CDH12: variants seen among roughly 807,000 people sequenced by gnomAD.
The protein encoded by CDH12 is cadherin-12.
CDH12 carries 41 observed loss-of-function variants against 74.1 expected under a neutral mutation model. The observed-to-expected ratio is 0.55, with a 90% confidence interval of 0.43 to 0.72. The LOEUF is 0.72. CDH12 is among the 30% of genes least tolerant of loss of function. CDH12 has a pLI of 0.00. For synonymous variants in CDH12, 399 were observed against 355.0 expected, an observed-to-expected ratio of 1.12 and a Z score of -1.39; for missense variants, 945 against 977.2, an observed-to-expected ratio of 0.97 and a Z score of 0.44.
intron 5 of CDH12, among the ~76,000 whole-genome samples, chr5:22,041,457 T>C (rs762225270): frequency 2.6e-5 from 4 of 152,096 alleles, no homozygotes; most frequent in South Asian, 2.1e-4. Context: ...TATGTACATA[T>C]AGGCAGAAAG....
At chr5:22,349,451 C>T (rs954913606) in intron 3 of CDH12, among the ~76,000 whole-genome samples, 4 of 152,150 alleles carry the variant, frequency 2.6e-5, no homozygotes, top group African/African-American at 9.7e-5. Context: ...GTTTACAGCA[C>T]TCATTCCTTT....
At chr5:22,133,224 C>A (rs1445130768) in intron 4 of CDH12, among the ~76,000 whole-genome samples, 1 of 152,006 alleles carries the variant, frequency 6.6e-6, no homozygotes, top group Non-Finnish European at 1.5e-5. Context: ...TAACTAGTAT[C>A]TTATAACTAG....
At chr5:22,435,437 T>C (rs995942301) in intron 2 of CDH12, among the ~76,000 whole-genome samples, 1 of 151,744 alleles carries the variant, frequency 6.6e-6, no homozygotes, top group Non-Finnish European at 1.5e-5. Flanking sequence ...TATATACGTA[T>C]ATATGTATAT....
chr5:22,755,404 T>C (rs1400193878), intron 1 of CDH12, among the ~76,000 whole-genome samples: 1 of 152,180 alleles, frequency 6.6e-6, no homozygotes, highest in Non-Finnish European at 1.5e-5. Context: ...ATGAGGCTAA[T>C]ACATGAAGAT....
At chr5:21,967,274 C>A (rs113203690) in intron 6 of CDH12, among the ~76,000 whole-genome samples, 1 of 152,084 alleles carries the variant, frequency 6.6e-6, no homozygotes, top group East Asian at 1.9e-4. Flanking sequence ...ATTGGGCCAA[C>A]GTAGCATCTT....
At chr5:22,763,354 A>G (rs1746322624) in intron 1 of CDH12, among the ~76,000 whole-genome samples, 1 of 152,034 alleles carries the variant, frequency 6.6e-6, no homozygotes, top group South Asian at 2.1e-4. Flanking sequence ...ACAATATAAA[A>G]GAAAGCACTG....
chr5:22,194,823 G>A lies in CDH12; in HGVS notation c.-187+17675C>T, dbSNP rs1470524541. Among the ~76,000 whole-genome samples the A allele has an allele frequency of 4.6e-5, 7 of 152,292 alleles. No homozygotes were observed. In the East Asian group the frequency reaches 5.8e-4, roughly 13 times the overall value. On this transcript the variant is annotated intron_variant, in intron 4 of 14. Coordinates refer to ENST00000382254, the MANE Select transcript of CDH12 (RefSeq NM_004061.5). ...GGGCATAGGACAGTTTCACCCAGAGGAGCTGTGATCTCCCAAGAGACATCA... is the reference window on the plus strand; with the variant it reads ...GGGCATAGGACAGTTTCACCCAGAGAAGCTGTGATCTCCCAAGAGACATCA...
chr5:21,995,725 C>T (rs1182874184), intron 5 of CDH12, among the ~76,000 whole-genome samples: 3 of 151,616 alleles, frequency 2.0e-5, no homozygotes, highest in Non-Finnish European at 4.4e-5. Flanking sequence ...TTTGGCTACT[C>T]CAAGCTAACC....
intron 1 of CDH12, among the ~76,000 whole-genome samples, chr5:22,539,392 T>C (rs1737998550): frequency 6.6e-6 from 1 of 152,214 alleles, no homozygotes; most frequent in Non-Finnish European, 1.5e-5. Flanking sequence ...TATTGCCTGA[T>C]AACTGTATTG....
intron 11 of CDH12, among the ~76,000 whole-genome samples, chr5:21,774,905 A>G (rs369577565): frequency 3.9e-5 from 6 of 152,320 alleles, no homozygotes; most frequent in Non-Finnish European, 1.5e-5. Flanking sequence ...TTTGTTTACT[A>G]AAATTTGAGA....
chr5:22,529,403 CA>C (rs1737480994), intron 1 of CDH12, among the ~76,000 whole-genome samples: 1 of 151,782 alleles, frequency 6.6e-6, no homozygotes, highest in African/African-American at 2.4e-5. Flanking sequence ...TAAATTCTGA[CA>C]GGCTCAAGAT....
At chr5:22,796,946 T>C (rs1375346742) in intron 1 of CDH12, among the ~76,000 whole-genome samples, 2 of 152,144 alleles carry the variant, frequency 1.3e-5, no homozygotes, top group South Asian at 4.1e-4. Context: ...ACTGACTCTG[T>C]GTCTAATCTC....
In CDH12 at chr5:22,510,911, C is replaced by T. The variant is rs79854512; in HGVS notation, c.-522-5547G>A. 8.9e-3 allele frequency among the ~76,000 whole-genome samples: 1,323 copies of T among 148,410 alleles called. 22 individuals are homozygous for T. The highest frequency in any genetic ancestry group is 0.031 in the African/African-American group (1,258 of 40,514). ...CATATATAATTTTTTTTTTTTTTTC[C>T]GAGACAGAGTTTTGCTCTTGTCGCC... On this transcript the variant is annotated intron_variant, in intron 1 of 14. Transcript: ENST00000382254.
intron 3 of CDH12, among the ~76,000 whole-genome samples, chr5:22,361,529 C>T (rs1740799622): frequency 6.6e-6 from 1 of 152,078 alleles, no homozygotes; most frequent in African/African-American, 2.4e-5. Context: ...GATTCAATGC[C>T]ATCCCCATCA....
intron 1 of CDH12, among the ~76,000 whole-genome samples, chr5:22,539,274 C>T (rs531720666): frequency 2.0e-5 from 3 of 152,198 alleles, no homozygotes; most frequent in East Asian, 1.9e-4. Context: ...TCTTTCTTGA[C>T]TGTACATAAA....
intron 3 of CDH12, among the ~76,000 whole-genome samples, chr5:22,396,552 T>C (rs1742471718): frequency 6.6e-6 from 1 of 152,128 alleles, no homozygotes; most frequent in African/African-American, 2.4e-5. Context: ...AGGGGAGGTC[T>C]GGAAAGTCCT....
chr5:21,781,538 A>G (rs1745910524), intron 11 of CDH12, among the ~76,000 whole-genome samples: 1 of 152,090 alleles, frequency 6.6e-6, no homozygotes, highest in South Asian at 2.1e-4. Flanking sequence ...AGCACGGCCA[A>G]GATGGTGAAA....
chr5:21,766,651 T>C (rs1271199729), intron 11 of CDH12, among the ~76,000 whole-genome samples: 2 of 151,964 alleles, frequency 1.3e-5, no homozygotes, highest in East Asian at 1.9e-4. Context: ...GATCTGTTTC[T>C]GTTATTGCTA....
chr5:21,965,572 T>C (rs1756543629), intron 6 of CDH12, among the ~76,000 whole-genome samples: 1 of 152,026 alleles, frequency 6.6e-6, no homozygotes, highest in African/African-American at 2.4e-5. Context: ...TTTTGTTAAT[T>C]ATTTGTAAAA....
Sources: gnomAD v4.1 joint callset for allele counts (sites outside exome capture counted in the v4.1 genomes callset) on GRCh38, gnomAD v4.1.1 for gene constraint, MANE v1.5 for transcripts, NCBI Gene and HGNC (gene_info 2026-07-23, HGNC 2026-07-21) for gene names.